Variants in LARS2 observed in about 807,000 individuals in gnomAD.
LARS2 encodes the protein leucyl-tRNA synthetase 2, mitochondrial.
LARS2 carries 81 observed loss-of-function variants against 116.6 expected under a neutral mutation model. The observed-to-expected ratio is 0.69, with a 90% confidence interval of 0.58 to 0.84. The LOEUF (loss-of-function observed/expected upper bound fraction) is 0.84. Ranked by LOEUF, LARS2 falls within the 40% of genes least tolerant of loss-of-function variation. The pLI, the probability that LARS2 is intolerant of heterozygous loss-of-function variation, is 0.00. For missense variants in LARS2, 968 were observed against 1,114.5 expected (o/e 0.87, Z 1.87); for synonymous variants, 396 against 407.2 (o/e 0.97, Z 0.33).
chr3:45,496,302 A>G lies in LARS2; in HGVS notation c.1551A>G (p.Thr517=). 3 of 1,614,058 alleles carry G rather than the reference A, an allele frequency of 1.9e-6. No homozygotes were observed. Among genetic ancestry groups the G allele is most frequent in the Non-Finnish European group, 2.5e-6 (3 of 1,179,870 alleles). The change falls in exon 14 of 22, where the codon ACA becomes ACG. Residue 517 remains threonine (T), a synonymous_variant. Coordinates refer to ENST00000645846, the MANE Select transcript of LARS2 (RefSeq NM_015340.4). ...GCAAGGGAGCAGCCAAGAGAGAGAC[A>G]GACACGATGGATACCTTTGTTGATT... ...PRCKGAAKRE[T]DTMDTFVDSA...
intron 6 of LARS2, among the ~76,000 whole-genome samples, chr3:45,428,698 GTCTAGCTTTAAC>G (rs1698640963): frequency 6.6e-6 from 1 of 152,152 alleles, no homozygotes; most frequent in African/African-American, 2.4e-5. Context: ...GTTCTTTGGT[GTCTAGCTTTAAC>G]TCAACACTTT....
intron 20 of LARS2, among the ~76,000 whole-genome samples, chr3:45,524,718 G>GAT (rs1700508610): frequency 6.6e-6 from 1 of 152,208 alleles, no homozygotes; most frequent in Admixed American, 6.5e-5. Flanking sequence ...AAAGTCTTCA[G>GAT]ATGTTTCTAG....
chr3:45,444,675 A>C (rs1323148503), intron 6 of LARS2, among the ~76,000 whole-genome samples: 3 of 150,260 alleles, frequency 2.0e-5, no homozygotes, highest in Non-Finnish European at 4.4e-5. Flanking sequence ...AAAAAAAAAA[A>C]AAAAAAAAAA....
intron 15 of LARS2, among the ~76,000 whole-genome samples, chr3:45,502,618 G>T (rs1825213): frequency 0.88 from 133,020 of 152,010 alleles, 60,879 homozygotes; most frequent in East Asian, 1. Flanking sequence ...ACCATGATGG[G>T]CAGGCTGGTC....
chr3:45,542,258 C>T (rs377097884), intron 21 of LARS2, among the ~76,000 whole-genome samples: 1 of 152,202 alleles, frequency 6.6e-6, no homozygotes, highest in African/African-American at 2.4e-5. Flanking sequence ...TCCTTTCCAA[C>T]TGTGGACCGT....
chr3:45,436,958 A>G (rs982190647), intron 6 of LARS2, among the ~76,000 whole-genome samples: 1 of 152,206 alleles, frequency 6.6e-6, no homozygotes, highest in Non-Finnish European at 1.5e-5. Context: ...GTAACAGGGA[A>G]CAGTTTTCAG....
At chr3:45,442,127 G>A (rs575814209) in intron 6 of LARS2, among the ~76,000 whole-genome samples, 1 of 152,274 alleles carries the variant, frequency 6.6e-6, no homozygotes, top group Admixed American at 6.5e-5. Flanking sequence ...TGAAAACAAT[G>A]GTGCATTAAC....
intron 5 of LARS2, among the ~76,000 whole-genome samples, chr3:45,419,330 C>G (rs1158997192): frequency 1.3e-5 from 2 of 152,140 alleles, no homozygotes; most frequent in African/African-American, 2.4e-5. Flanking sequence ...AATAATATGG[C>G]TTAAATGCTT....
intron 4 of LARS2, among the ~76,000 whole-genome samples, chr3:45,401,001 G>C (rs752388622): frequency 1.3e-5 from 2 of 151,972 alleles, no homozygotes; most frequent in African/African-American, 4.8e-5. Context: ...TTTTAGTAGA[G>C]ACGGTTTCAC....
chr3:45,443,586 G>A (rs1698951442), intron 6 of LARS2, among the ~76,000 whole-genome samples: 1 of 152,208 alleles, frequency 6.6e-6, no homozygotes. Context: ...GTGTGCAGCA[G>A]ATGGGAATAA....
chr3:45,522,869 T>C (rs1480692257), intron 19 of LARS2, among the ~76,000 whole-genome samples: 1 of 151,230 alleles, frequency 6.6e-6, no homozygotes, highest in Non-Finnish European at 1.5e-5. Flanking sequence ...CTGAGCAATA[T>C]AGTGAGATAC....
intron 8 of LARS2, among the ~76,000 whole-genome samples, chr3:45,461,637 C>G (rs984172127): frequency 1.3e-5 from 2 of 152,126 alleles, no homozygotes; most frequent in Non-Finnish European, 2.9e-5. Flanking sequence ...AGTGTGGATG[C>G]AGAGAGACCA....
chr3:45,443,636 G>A (rs1698952241), intron 6 of LARS2, among the ~76,000 whole-genome samples: 1 of 152,122 alleles, frequency 6.6e-6, no homozygotes, highest in Non-Finnish European at 1.5e-5. Flanking sequence ...GGCACTCCCA[G>A]CCTCCTCTGG....
chr3:45,494,689 C>T lies in LARS2; in HGVS notation c.1524-1586C>T, dbSNP rs376740744. Among the ~76,000 whole-genome samples the T allele has an allele frequency of 3.9e-5, 6 of 152,336 alleles. No individual in the cohort carries two copies. The East Asian group carries it at 1.2e-3, about 29-fold the overall frequency. On this transcript the variant is annotated intron_variant, in intron 13 of 21. Coordinates refer to ENST00000645846, the MANE Select transcript of LARS2 (RefSeq NM_015340.4). ...CTGTGCTAGGCTTGACTAAGGGCAC[C>T]TTCTTTTGAGTTCCTAGGTAGTGTG...
Position 45,458,859 on chromosome 3 carries a change from G to C in LARS2, c.723G>C (p.Trp241Cys), listed in dbSNP as rs1324537170. ...AKVEQKYLRQ[W>C]FIKTTAYAKA... ...TGGAACAGAAGTACCTCAGACAATG[G>C]TTTATTAAGACAACCGCTTATGCAA... Residue 241 changes from tryptophan to cysteine, a missense_variant, in exon 8 of 22, where the codon TGG (tryptophan) becomes TGC (cysteine). Trp to Cys is a radical substitution (Grantham distance 215). Transcript: ENST00000645846. 3 of 1,614,040 alleles carry C rather than the reference G, an allele frequency of 1.9e-6. No homozygotes were observed. The highest frequency in any genetic ancestry group is 2.5e-6 in the Non-Finnish European group (3 of 1,179,934).
chr3:45,398,110 G>A (rs1452825208), intron 3 of LARS2, among the ~76,000 whole-genome samples: 1 of 152,132 alleles, frequency 6.6e-6, no homozygotes, highest in Non-Finnish European at 1.5e-5. Context: ...TTTCTTAATT[G>A]TTCTCTTTTT....
intron 10 of LARS2, among the ~76,000 whole-genome samples, chr3:45,477,259 C>T (rs9827886): frequency 0.04 from 6,121 of 152,274 alleles, 347 homozygotes; most frequent in African/African-American, 0.13. Context: ...AAGGAGAACA[C>T]ATTGGAAGGC....
Position 45,491,684 on chromosome 3 carries a change from C to G in LARS2, c.1407C>G (p.Pro469=). 1.2e-6 allele frequency: 2 copies of G among 1,614,224 alleles called. No individual in the cohort carries two copies. Among genetic ancestry groups the G allele is most frequent in the East Asian group, 2.2e-5 (1 of 44,890 alleles). Reference sequence around the variant, plus strand: ...TTGTCCACTGCCCAGTCTGTGGCCCCACACCTGTGCCCCTGGAGGACTTGC... The same window carrying G: ...TTGTCCACTGCCCAGTCTGTGGCCCGACACCTGTGCCCCTGGAGGACTTGC... The part of the protein sequence containing the change: ...IPIVHCPVCG[P]TPVPLEDLPV... The change falls in exon 13 of 22, where the codon CCC becomes CCG. Residue 469 remains proline (P), a synonymous_variant. Transcript: ENST00000645846.
chr3:45,517,911 C>T lies in LARS2; in HGVS notation c.2053C>T (p.Leu685Phe). ...DILWDVKTDA[L>F]PGVLRWQQRL... ...ACTGATGCTGAATTCAGCTGATGCT[C>T]TCCCTGGGGTGCTGAGATGGCAACA... The change falls in exon 18 of 22, where the codon CTC becomes TTC. Residue 685 changes from leucine to phenylalanine, a missense_variant. Coordinates refer to ENST00000645846, the MANE Select transcript of LARS2 (RefSeq NM_015340.4). The T allele has an allele frequency of 1.9e-6, 3 of 1,612,304 alleles. No homozygotes were observed. Among genetic ancestry groups the T allele is most frequent in the Non-Finnish European group, 2.5e-6 (3 of 1,179,316 alleles).
Sources: gnomAD v4.1 joint callset for allele counts (sites outside exome capture counted in the v4.1 genomes callset) on GRCh38, gnomAD v4.1.1 for gene constraint, MANE v1.5 for transcripts, NCBI Gene and HGNC (gene_info 2026-07-23, HGNC 2026-07-21) for gene names.